AUTS2: variants seen among roughly 807,000 people sequenced by gnomAD.
AUTS2 encodes the protein autism susceptibility gene 2 protein.
Under a neutral mutation model 112.4 loss-of-function variants are expected in AUTS2, and 17 were observed. The ratio of observed to expected loss-of-function variants is 0.15; its 90% CI spans 0.10 to 0.23. The LOEUF is 0.23. Among genes scored for constraint, AUTS2 ranks in the 10% least tolerant of loss-of-function variants. The pLI is 1.00. For missense variants in AUTS2, 1,510 were observed against 1,701.6 expected (o/e 0.89, Z 1.98); for synonymous variants, 751 against 702.7 (o/e 1.07, Z -1.09).
intron 2 of AUTS2, among the ~76,000 whole-genome samples, chr7:69,910,085 G>T (rs1339467753): frequency 6.6e-6 from 1 of 152,170 alleles, no homozygotes; most frequent in Non-Finnish European, 1.5e-5. Context: ...ATCATTACCT[G>T]TCCCCTACCT....
chr7:69,863,025 C>T (rs1363383740), intron 1 of AUTS2, among the ~76,000 whole-genome samples: 2 of 152,080 alleles, frequency 1.3e-5, no homozygotes, highest in Non-Finnish European at 2.9e-5. Flanking sequence ...TCATACCACA[C>T]ATGTTCTTTT....
chr7:69,732,458 A>G (rs887235979), intron 1 of AUTS2, among the ~76,000 whole-genome samples: 8 of 152,100 alleles, frequency 5.3e-5, no homozygotes, highest in African/African-American at 1.9e-4. Flanking sequence ...TAAGCAAACA[A>G]TGGAGTGCTG....
intron 5 of AUTS2, among the ~76,000 whole-genome samples, chr7:70,514,510 C>T (rs192500849): frequency 2.6e-5 from 4 of 152,242 alleles, no homozygotes; most frequent in African/African-American, 9.6e-5. Context: ...TTCTTTGGAA[C>T]AGCCAGCTCC....
At chr7:70,490,707 A>G (rs761036975) in intron 5 of AUTS2, among the ~76,000 whole-genome samples, 3 of 152,176 alleles carry the variant, frequency 2.0e-5, no homozygotes, top group Non-Finnish European at 2.9e-5. Context: ...AGTCAATCTG[A>G]TAGATCTGGG....
At chr7:70,665,029 C>T (rs184150869) in intron 5 of AUTS2, among the ~76,000 whole-genome samples, 1 of 152,074 alleles carries the variant, frequency 6.6e-6, no homozygotes, top group South Asian at 2.1e-4. Context: ...GCTCTGATTG[C>T]ACCACTGCAC....
intron 2 of AUTS2, among the ~76,000 whole-genome samples, chr7:70,057,582 T>C (rs758720690): frequency 7.2e-5 from 11 of 152,240 alleles, no homozygotes; most frequent in Non-Finnish European, 1.5e-4. Context: ...TGATGTGGAA[T>C]AAGTTTTTTC....
At chr7:70,036,474 C>T (rs371530982) in intron 2 of AUTS2, among the ~76,000 whole-genome samples, 12 of 152,284 alleles carry the variant, frequency 7.9e-5, no homozygotes, top group African/African-American at 2.2e-4. Flanking sequence ...GGGGCTGTCC[C>T]GTGGTTTAAT....
Position 70,630,059 on chromosome 7 carries a change from A to G in AUTS2, c.691-68510A>G, listed in dbSNP as rs566639662. On this transcript the variant is annotated intron_variant, in intron 5 of 18. Coordinates refer to ENST00000342771, the MANE Select transcript of AUTS2 (RefSeq NM_015570.4). The stretch of plus-strand genomic sequence containing the variant: ...TCCTGCCCCCATCCAGGCATGTCTG[A>G]GCAGCTTGGATCGCAAAAGGGCAAG... 6.6e-5 allele frequency among the ~76,000 whole-genome samples: 10 copies of G among 152,216 alleles called. No individual in the cohort carries two copies. The South Asian group carries it at 2.1e-3, about 32-fold the overall frequency.
intron 4 of AUTS2, among the ~76,000 whole-genome samples, chr7:70,373,820 A>T (rs1792957218): frequency 6.6e-6 from 1 of 152,152 alleles, no homozygotes; most frequent in Non-Finnish European, 1.5e-5. Context: ...TTTTGTTTAT[A>T]TCCTTCTAGT....
intron 1 of AUTS2, among the ~76,000 whole-genome samples, chr7:69,666,506 A>T (rs1373217954): frequency 6.6e-6 from 1 of 152,200 alleles, no homozygotes; most frequent in Admixed American, 6.5e-5. Context: ...CAGAAAACCT[A>T]CTTACTTCTA....
chr7:70,737,012 A>G (rs894804924), intron 6 of AUTS2, among the ~76,000 whole-genome samples: 4 of 152,186 alleles, frequency 2.6e-5, no homozygotes, highest in Non-Finnish European at 1.5e-5. Flanking sequence ...CAGTCTCCCC[A>G]TTAGTCAAAA....
chr7:70,661,818 C>G (rs781766762), intron 5 of AUTS2, among the ~76,000 whole-genome samples: 1 of 152,042 alleles, frequency 6.6e-6, no homozygotes, highest in Admixed American at 6.5e-5. Context: ...CCAGCACTGA[C>G]CTCAGGTTTA....
At chr7:69,731,722 TTTGTC>T (rs1786803394) in intron 1 of AUTS2, among the ~76,000 whole-genome samples, 1 of 152,340 alleles carries the variant, frequency 6.6e-6, no homozygotes, top group South Asian at 2.1e-4. Flanking sequence ...TCAGTTGGCA[TTTGTC>T]ACGTATCTTC....
chr7:70,722,982 T>A (rs1365923473), intron 6 of AUTS2, among the ~76,000 whole-genome samples: 2 of 152,212 alleles, frequency 1.3e-5, no homozygotes, highest in Non-Finnish European at 2.9e-5. Context: ...AAATTTAATT[T>A]GTTCCCAGAT....
At chr7:70,238,239 T>G (rs1812428748) in intron 4 of AUTS2, among the ~76,000 whole-genome samples, 2 of 152,056 alleles carry the variant, frequency 1.3e-5, no homozygotes, top group Non-Finnish European at 2.9e-5. Context: ...AAACTGAAAA[T>G]GGAATGTAGA....
intron 1 of AUTS2, among the ~76,000 whole-genome samples, chr7:69,737,992 C>A (rs1032150907): frequency 6.6e-6 from 1 of 152,064 alleles, no homozygotes; most frequent in Non-Finnish European, 1.5e-5. Flanking sequence ...TCACCAATCT[C>A]AAAATACTGT....
At chr7:70,640,224 A>G (rs866879849) in intron 5 of AUTS2, among the ~76,000 whole-genome samples, 1 of 151,968 alleles carries the variant, frequency 6.6e-6, no homozygotes, top group African/African-American at 2.4e-5. Context: ...TCGAAAATAT[A>G]CTTTAGAACA....
At chr7:70,542,627 T>TA (rs562838563) in intron 5 of AUTS2, among the ~76,000 whole-genome samples, 55 of 152,322 alleles carry the variant, frequency 3.6e-4, no homozygotes, top group African/African-American at 1.3e-3. Context: ...ACTTTATGGT[T>TA]AACAGAGCCC....
chr7:70,661,160 A>G (rs4718978), intron 5 of AUTS2, among the ~76,000 whole-genome samples: 16,703 of 151,632 alleles, frequency 0.11, 1,549 homozygotes, highest in East Asian at 0.46. Context: ...ATTACCTGAC[A>G]GGAGAAAGAA....
Sources: gnomAD v4.1 joint callset for allele counts (sites outside exome capture counted in the v4.1 genomes callset) on GRCh38, gnomAD v4.1.1 for gene constraint, MANE v1.5 for transcripts, NCBI Gene and HGNC (gene_info 2026-07-23, HGNC 2026-07-21) for gene names.